The following KLHL1 variants were observed in gnomAD, a reference collection of about 807,000 sequenced individuals.
KLHL1 encodes kelch like family member 1.
Under a neutral mutation model 77.7 loss-of-function variants are expected in KLHL1, and 47 were observed. The ratio of observed to expected loss-of-function variants is 0.60; its 90% CI spans 0.48 to 0.77. The LOEUF is 0.77. Ranked by LOEUF, KLHL1 falls within the 30% of genes least tolerant of loss-of-function variation. KLHL1 has a pLI of 0.00. For missense variants in KLHL1, 925 were observed against 910.8 expected (o/e 1.02, Z -0.20); for synonymous variants, 360 against 325.2 (o/e 1.11, Z -1.15).
At chr13:69,969,840 T>C (rs1445848870) in intron 2 of KLHL1, among the ~76,000 whole-genome samples, 2 of 152,170 alleles carry the variant, frequency 1.3e-5, no homozygotes, top group African/African-American at 4.8e-5. Flanking sequence ...CTAGAGAACC[T>C]GGAGTAAAAC....
At chr13:69,938,483 C>A (rs2138296778) in intron 4 of KLHL1, among the ~76,000 whole-genome samples, 1 of 152,024 alleles carries the variant, frequency 6.6e-6, no homozygotes, top group South Asian at 2.1e-4. Flanking sequence ...GCAGAATAGT[C>A]CAAGCAGCTG....
intron 3 of KLHL1, among the ~76,000 whole-genome samples, chr13:69,944,450 C>A (rs1470738477): frequency 6.6e-6 from 1 of 152,168 alleles, no homozygotes; most frequent in Non-Finnish European, 1.5e-5. Context: ...TTTGCCGTAA[C>A]AATTCATAGC....
intron 7 of KLHL1, among the ~76,000 whole-genome samples, chr13:69,748,493 C>A (rs576744373): frequency 6.6e-6 from 1 of 151,988 alleles, no homozygotes; most frequent in East Asian, 1.9e-4. Flanking sequence ...GGGGAAACCG[C>A]CCCCATGATT....
At chr13:69,904,612 A>T (rs1198742762) in intron 4 of KLHL1, among the ~76,000 whole-genome samples, 6 of 152,182 alleles carry the variant, frequency 3.9e-5, no homozygotes, top group African/African-American at 1.4e-4. Context: ...AATTGCTCTT[A>T]AAAGTCAAAA....
chr13:69,915,321 C>G lies in KLHL1; in HGVS notation c.1014+24719G>C, dbSNP rs142686574. On this transcript the variant is annotated intron_variant, in intron 4 of 10. Transcript: ENST00000377844. ...GCCAAAAGAACAAAGCTGGAGGCATCAGGCTACCTGACTTCAAACTATACT... is the reference window on the plus strand; with the variant it reads ...GCCAAAAGAACAAAGCTGGAGGCATGAGGCTACCTGACTTCAAACTATACT... Among the ~76,000 whole-genome samples the G allele has an allele frequency of 6.0e-3, 909 of 152,292 alleles. 17 individuals carry two copies. The highest frequency in any genetic ancestry group is 0.046 in the Admixed American group (701 of 15,290).
In KLHL1 at chr13:69,831,366, G is replaced by A. The variant is rs1023453178; in HGVS notation, c.1414+7610C>T. ...AGCTAGCAGATTTGGATAAATTCCTGGAAATATACCACTGTCCTATATTAA... is the reference window on the plus strand; with the variant it reads ...AGCTAGCAGATTTGGATAAATTCCTAGAAATATACCACTGTCCTATATTAA... On this transcript the variant is annotated intron_variant, in intron 6 of 10. Coordinates refer to ENST00000377844, the MANE Select transcript of KLHL1 (RefSeq NM_020866.3). 5.3e-5 allele frequency among the ~76,000 whole-genome samples: 8 copies of A among 149,734 alleles called. 1 individual carries two copies. The highest frequency in any genetic ancestry group is 1.0e-4 in the Non-Finnish European group (7 of 67,692).
intron 1 of KLHL1, among the ~76,000 whole-genome samples, chr13:70,013,465 G>C (rs1370597470): frequency 6.6e-6 from 1 of 152,152 alleles, no homozygotes; most frequent in African/African-American, 2.4e-5. Context: ...CTTGGAGAAA[G>C]GGCAAGGTGA....
At chr13:69,987,624 G>A (rs1296783156) in intron 1 of KLHL1, among the ~76,000 whole-genome samples, 1 of 151,594 alleles carries the variant, frequency 6.6e-6, no homozygotes. Flanking sequence ...AAGGAAAGAA[G>A]GACTACTAAA....
intron 1 of KLHL1, among the ~76,000 whole-genome samples, chr13:70,045,606 T>C (rs781582532): frequency 6.6e-6 from 1 of 151,952 alleles, no homozygotes; most frequent in Non-Finnish European, 1.5e-5. Context: ...GGAATCCTCT[T>C]TGGACTTCTA....
At chr13:69,793,562 AT>A (rs1314897962) in intron 7 of KLHL1, among the ~76,000 whole-genome samples, 6 of 150,884 alleles carry the variant, frequency 4.0e-5, no homozygotes, top group East Asian at 1.9e-4. Flanking sequence ...TTGAGGTTTC[AT>A]TTTTTTCAAT....
intron 7 of KLHL1, among the ~76,000 whole-genome samples, chr13:69,742,690 G>A (rs1437039430): frequency 6.6e-6 from 1 of 152,110 alleles, no homozygotes; most frequent in Non-Finnish European, 1.5e-5. Context: ...AATAAATGTA[G>A]CCAAATAGCA....
intron 5 of KLHL1, among the ~76,000 whole-genome samples, chr13:69,846,349 A>G (rs938724499): frequency 2.0e-5 from 3 of 151,504 alleles, no homozygotes; most frequent in Non-Finnish European, 4.4e-5. Flanking sequence ...GTAGCTTCAG[A>G]ATCAAACATG....
intron 1 of KLHL1, among the ~76,000 whole-genome samples, chr13:70,026,187 G>T (rs936315979): frequency 6.6e-6 from 1 of 152,148 alleles, no homozygotes; most frequent in African/African-American, 2.4e-5. Flanking sequence ...GCACCAAAGA[G>T]GGCTCCACAC....
chr13:69,987,788 G>T, intron 1 of KLHL1, among the ~76,000 whole-genome samples: 1 of 151,654 alleles, frequency 6.6e-6, no homozygotes, highest in East Asian at 1.9e-4. Context: ...TAATAATATG[G>T]GCAATATACA....
intron 1 of KLHL1, among the ~76,000 whole-genome samples, chr13:70,005,719 A>G (rs1885390373): frequency 6.6e-6 from 1 of 152,042 alleles, no homozygotes; most frequent in Non-Finnish European, 1.5e-5. Flanking sequence ...AATGAAATAA[A>G]TGCCCAAGTA....
In KLHL1 at chr13:70,047,504, A is replaced by T. The variant is rs539912791; in HGVS notation, c.497+59699T>A. On this transcript the variant is annotated intron_variant, in intron 1 of 10. Coordinates refer to ENST00000377844, the MANE Select transcript of KLHL1 (RefSeq NM_020866.3). ...TAGTGGCCATGTTCTTTAGAGACAC[A>T]TTACTTACCCCACTCACTGTTTCTC... 1.2e-4 allele frequency among the ~76,000 whole-genome samples: 18 copies of T among 152,168 alleles called. No individual in the cohort carries two copies. In the South Asian group the frequency reaches 3.7e-3, roughly 32 times the overall value.
chr13:70,024,362 TAGAG>T (rs377248172), intron 1 of KLHL1, among the ~76,000 whole-genome samples: 163 of 151,832 alleles, frequency 1.1e-3, no homozygotes, highest in African/African-American at 3.7e-3. Flanking sequence ...GATAGAAAGA[TAGAG>T]AGTGAGAAAG....
At chr13:69,848,291 A>T (rs1023346348) in intron 5 of KLHL1, among the ~76,000 whole-genome samples, 3 of 151,542 alleles carry the variant, frequency 2.0e-5, no homozygotes, top group African/African-American at 7.3e-5. Context: ...GTAGCACTTC[A>T]TTAGTGACTA....
chr13:70,065,109 C>A lies in KLHL1; in HGVS notation c.497+42094G>T, dbSNP rs555614867. Among the ~76,000 whole-genome samples, 442 of 152,196 alleles carry A rather than the reference C, an allele frequency of 2.9e-3. 3 individuals carry two copies. Among genetic ancestry groups the A allele is most frequent in the Middle Eastern group, 0.017 (5 of 292 alleles). On this transcript the variant is annotated intron_variant, in intron 1 of 10. Coordinates refer to ENST00000377844, the MANE Select transcript of KLHL1 (RefSeq NM_020866.3). ...TACTCTAACCCTGTTTATTTCAAGA[C>A]CAGAGCCCCCAGGAACAGTGATACT...
Sources: gnomAD v4.1 joint callset for allele counts (sites outside exome capture counted in the v4.1 genomes callset) on GRCh38, gnomAD v4.1.1 for gene constraint, MANE v1.5 for transcripts, NCBI Gene and HGNC (gene_info 2026-07-23, HGNC 2026-07-21) for gene names.